Variants in WASF2 observed in about 807,000 individuals in gnomAD.
The protein encoded by WASF2 is actin-binding protein WASF2.
A neutral mutation model predicts 45.0 loss-of-function variants in WASF2; 14 were observed. The observed-to-expected ratio is 0.31, with a 90% CI of 0.21 to 0.49. The LOEUF is 0.49. Among genes scored for constraint, WASF2 ranks in the 20% least tolerant of loss-of-function variants. The pLI is 0.99. For missense variants in WASF2, 439 were observed against 636.1 expected, an observed-to-expected ratio of 0.69 and a Z score of 3.33; for synonymous variants, 200 against 236.3, an observed-to-expected ratio of 0.85 and a Z score of 1.41.
intron 1 of WASF2, among the ~76,000 whole-genome samples, chr1:27,451,759 A>G (rs895760599): frequency 6.6e-5 from 10 of 152,230 alleles, no homozygotes; most frequent in Non-Finnish European, 1.2e-4. Context: ...GACCAGGTAC[A>G]CTTTCTTCCT....
At chr1:27,487,504 A>C (rs865819743) in intron 1 of WASF2, among the ~76,000 whole-genome samples, 1 of 114,682 alleles carries the variant, frequency 8.7e-6, no homozygotes, top group African/African-American at 3.4e-5. Flanking sequence ...TAATATTATA[A>C]TATATGTTAT....
At chr1:27,420,565 G>C (rs2016892842) in intron 2 of WASF2, among the ~76,000 whole-genome samples, 3 of 118,408 alleles carry the variant, frequency 2.5e-5, no homozygotes, top group African/African-American at 6.4e-5. Flanking sequence ...CTATCCCCCA[G>C]GTGGAGTGCA....
At chr1:27,436,013 T>G (rs575109898) in intron 1 of WASF2, among the ~76,000 whole-genome samples, 1 of 152,228 alleles carries the variant, frequency 6.6e-6, no homozygotes, top group African/African-American at 2.4e-5. Flanking sequence ...CATGTGGGGA[T>G]GTTGCATGTG....
intron 1 of WASF2, among the ~76,000 whole-genome samples, chr1:27,430,337 A>T (rs1199622492): frequency 6.6e-6 from 1 of 152,120 alleles, no homozygotes; most frequent in Non-Finnish European, 1.5e-5. Context: ...AAGTTAACAT[A>T]CCTAAGTCCT....
chr1:27,444,415 G>A (rs2017286009), intron 1 of WASF2, among the ~76,000 whole-genome samples: 1 of 152,188 alleles, frequency 6.6e-6, no homozygotes. Context: ...GATAACATAT[G>A]TAAGCATTCC....
intron 1 of WASF2, among the ~76,000 whole-genome samples, chr1:27,454,175 ATATATATATATATTTTTTTTT>A (rs2017430723): frequency 2.9e-5 from 1 of 33,970 alleles, no homozygotes; most frequent in African/African-American, 1.3e-4. Flanking sequence ...ATATATATAT[ATATATATATATATTTTTTTTT>A]TTTTTTTTTT....
At chr1:27,428,323 G>A (rs1032748673) in intron 2 of WASF2, among the ~76,000 whole-genome samples, 8 of 152,168 alleles carry the variant, frequency 5.3e-5, no homozygotes, top group Non-Finnish European at 1.5e-5. Flanking sequence ...GGGGTGTTGG[G>A]TAGATAAAAA....
chr1:27,434,881 T>C (rs1333240515), intron 1 of WASF2, among the ~76,000 whole-genome samples: 3 of 152,188 alleles, frequency 2.0e-5, no homozygotes, highest in Non-Finnish European at 4.4e-5. Context: ...AAATGGAAAC[T>C]GGATGAGGCC....
At chr1:27,481,337 A>T (rs2017847574) in intron 1 of WASF2, among the ~76,000 whole-genome samples, 1 of 151,854 alleles carries the variant, frequency 6.6e-6, no homozygotes, top group African/African-American at 2.4e-5. Context: ...ACACATACAC[A>T]TGTTCACTCA....
chr1:27,429,002 T>C (rs748261632), intron 1 of WASF2, 69 bp from the exon 2 acceptor site: 305 of 170,500 alleles, frequency 1.8e-3, no homozygotes, highest in Non-Finnish European at 3.0e-3. Flanking sequence ...TGTGTGAATC[T>C]TTTTTTTTTT....
At chr1:27,457,209 G>A (rs1456559411) in intron 1 of WASF2, 1 of 152,026 alleles carries the variant, frequency 6.6e-6, no homozygotes, top group Admixed American at 6.6e-5. Flanking sequence ...CATCATCTTG[G>A]TAAGTTATCT....
chr1:27,481,605 G>T (rs1341648587), intron 1 of WASF2, among the ~76,000 whole-genome samples: 1 of 151,990 alleles, frequency 6.6e-6, no homozygotes, highest in East Asian at 1.9e-4. Flanking sequence ...TCAGGAGGCC[G>T]AGGCAGGAGA....
At chr1:27,463,933 G>A (rs1179805597) in intron 1 of WASF2, among the ~76,000 whole-genome samples, 4 of 151,114 alleles carry the variant, frequency 2.6e-5, no homozygotes, top group East Asian at 2.0e-4. Flanking sequence ...CACCACGCCC[G>A]GCTAATTATG....
chr1:27,419,475 C>T (rs1270556128), intron 2 of WASF2, among the ~76,000 whole-genome samples: 3 of 152,146 alleles, frequency 2.0e-5, no homozygotes, highest in Middle Eastern at 3.2e-3. Context: ...ATTAGACAGG[C>T]GTGCTGGCAG....
intron 1 of WASF2, among the ~76,000 whole-genome samples, chr1:27,436,169 G>A (rs1396034411): frequency 6.6e-6 from 1 of 152,182 alleles, no homozygotes; most frequent in Non-Finnish European, 1.5e-5. Context: ...AACATGGCTG[G>A]GTGTAGTGAT....
At chr1:27,449,475 T>C (rs1251948445) in intron 1 of WASF2, among the ~76,000 whole-genome samples, 1 of 151,906 alleles carries the variant, frequency 6.6e-6, no homozygotes, top group Non-Finnish European at 1.5e-5. Flanking sequence ...GGCGCATGCC[T>C]GTAGTTCCAG....
intron 2 of WASF2, among the ~76,000 whole-genome samples, chr1:27,422,557 T>G (rs2016923431): frequency 1.4e-5 from 2 of 141,736 alleles, no homozygotes. Flanking sequence ...AGGCGGAGCT[T>G]GCAGTGAGCC....
At chr1:27,463,571 C>T (rs1475258529) in intron 1 of WASF2, among the ~76,000 whole-genome samples, 4 of 139,648 alleles carry the variant, frequency 2.9e-5, no homozygotes, top group South Asian at 2.2e-4. Context: ...TGCAGTGAGC[C>T]GAGATAGCGC....
At chr1:27,440,513 C>T (rs1395716288) in intron 1 of WASF2, among the ~76,000 whole-genome samples, 1 of 150,772 alleles carries the variant, frequency 6.6e-6, no homozygotes, top group Non-Finnish European at 1.5e-5. Context: ...AGAGTGAGAC[C>T]CTGTCTTAAA....
Sources: gnomAD v4.1 joint callset for allele counts (sites outside exome capture counted in the v4.1 genomes callset) on GRCh38, gnomAD v4.1.1 for gene constraint, MANE v1.5 for transcripts, NCBI Gene and HGNC (gene_info 2026-07-23, HGNC 2026-07-21) for gene names.